The following GUCY1A2 variants were observed in gnomAD, a reference collection of about 807,000 sequenced individuals.
The protein encoded by GUCY1A2 is guanylate cyclase soluble subunit alpha-2.
A neutral mutation model predicts 63.5 loss-of-function variants in GUCY1A2; 27 were observed. The observed-to-expected ratio is 0.43, with a 90% CI of 0.31 to 0.59. The LOEUF (loss-of-function observed/expected upper bound fraction) is 0.59, where lower values mean the gene tolerates loss of function less well. Ranked by LOEUF, GUCY1A2 falls within the 20% of genes least tolerant of loss-of-function variation. The pLI is 0.11. For synonymous variants in GUCY1A2, 364 were observed against 343.5 expected, an observed-to-expected ratio of 1.06 and a Z score of -0.66; for missense variants, 768 against 913.3, an observed-to-expected ratio of 0.84 and a Z score of 2.05.
chr11:106,976,182 A>G (rs1861259400), intron 3 of GUCY1A2, among the ~76,000 whole-genome samples: 1 of 152,148 alleles, frequency 6.6e-6, no homozygotes, highest in African/African-American at 2.4e-5. Context: ...CAGTCCACCA[A>G]TATTCTAATC....
chr11:106,790,168 G>GT (rs1184628477), intron 5 of GUCY1A2, among the ~76,000 whole-genome samples: 1 of 152,128 alleles, frequency 6.6e-6, no homozygotes, highest in Non-Finnish European at 1.5e-5. Context: ...AGTCTACGTG[G>GT]TTTTCTATTC....
chr11:106,932,616 A>G (rs1270698961), intron 4 of GUCY1A2, among the ~76,000 whole-genome samples: 1 of 152,158 alleles, frequency 6.6e-6, no homozygotes, highest in African/African-American at 2.4e-5. Context: ...ACTGGAAAAA[A>G]CTATTCTAAA....
At chr11:106,766,926 GA>G (rs1195763756) in intron 6 of GUCY1A2, among the ~76,000 whole-genome samples, 1 of 151,960 alleles carries the variant, frequency 6.6e-6, no homozygotes, top group Non-Finnish European at 1.5e-5. Context: ...CTCTACCAGG[GA>G]AAAAATATTG....
intron 4 of GUCY1A2, among the ~76,000 whole-genome samples, chr11:106,908,382 A>G (rs1486418912): frequency 3.9e-5 from 6 of 151,930 alleles, no homozygotes; most frequent in African/African-American, 1.5e-4. Flanking sequence ...TCTTTATATA[A>G]CTAAATTACT....
At chr11:106,930,528 T>G in intron 4 of GUCY1A2, among the ~76,000 whole-genome samples, 1 of 152,212 alleles carries the variant, frequency 6.6e-6, no homozygotes. Flanking sequence ...AAAGCATATG[T>G]AAAGCTAATT....
At chr11:106,709,355 TTA>T (rs1438320994) in intron 6 of GUCY1A2, among the ~76,000 whole-genome samples, 2 of 101,230 alleles carry the variant, frequency 2.0e-5, no homozygotes, top group African/African-American at 4.1e-5. Flanking sequence ...TTTATATATT[TTA>T]TATAATATAT....
At chr11:106,992,736 G>C (rs966675030) in intron 1 of GUCY1A2, among the ~76,000 whole-genome samples, 2 of 151,858 alleles carry the variant, frequency 1.3e-5, no homozygotes, top group Non-Finnish European at 2.9e-5. Context: ...TTTTTCTTGA[G>C]AACACACAAC....
chr11:106,748,812 C>T (rs1863834909), intron 6 of GUCY1A2, among the ~76,000 whole-genome samples: 1 of 151,946 alleles, frequency 6.6e-6, no homozygotes, highest in Non-Finnish European at 1.5e-5. Flanking sequence ...TTAAAAATTA[C>T]TTTAGGGAGT....
chr11:106,780,559 G>T (rs1864440628), intron 5 of GUCY1A2, among the ~76,000 whole-genome samples: 1 of 152,096 alleles, frequency 6.6e-6, no homozygotes. Context: ...AGGAAAAGAG[G>T]TTCTGACCCA....
At chr11:106,814,760 A>T (rs2135426650) in intron 4 of GUCY1A2, among the ~76,000 whole-genome samples, 1 of 152,236 alleles carries the variant, frequency 6.6e-6, no homozygotes, top group East Asian at 1.9e-4. Flanking sequence ...AACCCACAAA[A>T]GTAGGCCAGG....
At chr11:106,933,480 C>A (rs1398616528) in intron 4 of GUCY1A2, among the ~76,000 whole-genome samples, 2 of 152,120 alleles carry the variant, frequency 1.3e-5, no homozygotes, top group East Asian at 3.9e-4. Flanking sequence ...AAAGGGAACA[C>A]TTATACGTTG....
intron 3 of GUCY1A2, among the ~76,000 whole-genome samples, chr11:106,944,850 A>ACAAAG (rs1860804725): frequency 6.6e-6 from 1 of 152,136 alleles, no homozygotes; most frequent in African/African-American, 2.4e-5. Flanking sequence ...CTTTCAAATC[A>ACAAAG]CAAAGCACAT....
chr11:106,770,835 A>G (rs1196916559), intron 6 of GUCY1A2, among the ~76,000 whole-genome samples: 4 of 1,802 alleles, frequency 2.2e-3, no homozygotes, highest in African/African-American at 6.6e-3. Flanking sequence ...AGCAATCTCA[A>G]TTGCAAATCA....
chr11:106,936,468 G>C (rs992376871), intron 4 of GUCY1A2, among the ~76,000 whole-genome samples: 1 of 152,154 alleles, frequency 6.6e-6, no homozygotes, highest in African/African-American at 2.4e-5. Context: ...AAGGAAAGAT[G>C]ATGATGACAG....
intron 4 of GUCY1A2, among the ~76,000 whole-genome samples, chr11:106,920,228 T>A (rs917463570): frequency 6.6e-6 from 1 of 151,862 alleles, no homozygotes; most frequent in Non-Finnish European, 1.5e-5. Context: ...GATGGAGCAG[T>A]GCAGAACTGG....
At chr11:106,835,693 GAAGT>G (rs1859107345) in intron 4 of GUCY1A2, among the ~76,000 whole-genome samples, 1 of 151,616 alleles carries the variant, frequency 6.6e-6, no homozygotes, top group Non-Finnish European at 1.5e-5. Context: ...ACACTATATA[GAAGT>G]AATAGAAACC....
intron 6 of GUCY1A2, among the ~76,000 whole-genome samples, chr11:106,734,822 G>C (rs970925107): frequency 1.3e-5 from 2 of 151,946 alleles, no homozygotes; most frequent in African/African-American, 4.8e-5. Context: ...CGATTTTAGC[G>C]GAAGATGAGC....
intron 5 of GUCY1A2, among the ~76,000 whole-genome samples, chr11:106,808,542 TG>T: frequency 6.6e-6 from 1 of 152,282 alleles, no homozygotes; most frequent in South Asian, 2.1e-4. Flanking sequence ...CTGATACTTA[TG>T]TTTGTCAGGG....
At chr11:106,845,403 T>C (rs1859257388) in intron 4 of GUCY1A2, among the ~76,000 whole-genome samples, 1 of 151,492 alleles carries the variant, frequency 6.6e-6, no homozygotes, top group Non-Finnish European at 1.5e-5. Flanking sequence ...TCTTAACTGT[T>C]TACATGAAGG....
Sources: gnomAD v4.1 joint callset for allele counts (sites outside exome capture counted in the v4.1 genomes callset) on GRCh38, gnomAD v4.1.1 for gene constraint, MANE v1.5 for transcripts, NCBI Gene and HGNC (gene_info 2026-07-23, HGNC 2026-07-21) for gene names.